The following SIPA1L1 variants were observed in gnomAD, a reference collection of about 807,000 sequenced individuals.
SIPA1L1 encodes signal induced proliferation associated 1 like 1.
SIPA1L1 carries 26 observed loss-of-function variants against 162.7 expected under a neutral mutation model. That is an observed-to-expected ratio of 0.16 (90% CI 0.12 to 0.22). The LOEUF (loss-of-function observed/expected upper bound fraction) is 0.22. Among genes scored for constraint, SIPA1L1 ranks in the 10% least tolerant of loss-of-function variants. The pLI is 1.00. For synonymous variants in SIPA1L1, 829 were observed against 837.4 expected, an observed-to-expected ratio of 0.99 and a Z score of 0.17; for missense variants, 1,874 against 2,241.0, an observed-to-expected ratio of 0.84 and a Z score of 3.31.
intron 2 of SIPA1L1, among the ~76,000 whole-genome samples, chr14:71,396,073 C>G (rs1261169188): frequency 6.6e-6 from 1 of 152,030 alleles, no homozygotes; most frequent in East Asian, 1.9e-4. Context: ...CTTGTCCTAT[C>G]TTGCTTAAGG....
intron 4 of SIPA1L1, among the ~76,000 whole-genome samples, chr14:71,543,898 A>G (rs181498837): frequency 2.7e-5 from 3 of 111,980 alleles, no homozygotes; most frequent in Admixed American, 2.5e-4. Context: ...TATCATACGT[A>G]TATGTGTGTA....
At chr14:71,582,503 AC>A (rs2034071183) in intron 4 of SIPA1L1, among the ~76,000 whole-genome samples, 1 of 152,096 alleles carries the variant, frequency 6.6e-6, no homozygotes, top group South Asian at 2.1e-4. Context: ...AACTTTCTTC[AC>A]TGAACTTTTT....
intron 3 of SIPA1L1, among the ~76,000 whole-genome samples, chr14:71,519,702 C>T (rs1466758052): frequency 1.3e-5 from 2 of 151,894 alleles, no homozygotes; most frequent in African/African-American, 2.4e-5. Flanking sequence ...CATGGTGTCA[C>T]ACACCTGTAA....
At chr14:71,572,254 C>T (rs1229627106) in intron 4 of SIPA1L1, among the ~76,000 whole-genome samples, 1 of 152,232 alleles carries the variant, frequency 6.6e-6, no homozygotes, top group Non-Finnish European at 1.5e-5. Flanking sequence ...CCTCTCAATA[C>T]TGCCACACTG....
chr14:71,724,567 T>C, intron 18 of SIPA1L1, 103 bp from the exon 19 acceptor site: 1 of 849,348 alleles, frequency 1.2e-6, no homozygotes, highest in Non-Finnish European at 1.8e-6. Context: ...CCACATAATA[T>C]TTCTCTATTG....
chr14:71,587,234 T>C (rs1596290087), intron 4 of SIPA1L1, among the ~76,000 whole-genome samples: 1 of 152,210 alleles, frequency 6.6e-6, no homozygotes, highest in African/African-American at 2.4e-5. Flanking sequence ...TGTTCTACAT[T>C]TTTAGAGGTC....
intron 2 of SIPA1L1, among the ~76,000 whole-genome samples, chr14:71,345,912 TTTA>T (rs1470577432): frequency 6.6e-6 from 1 of 151,236 alleles, no homozygotes; most frequent in Non-Finnish European, 1.5e-5. Context: ...ATTTGTATAA[TTTA>T]TTATTATTAT....
chr14:71,638,979 A>G (rs2041436735), intron 7 of SIPA1L1, among the ~76,000 whole-genome samples: 1 of 152,212 alleles, frequency 6.6e-6, no homozygotes, highest in African/African-American at 2.4e-5. Flanking sequence ...GATCACTTGA[A>G]CCTAGGAGTT....
intron 4 of SIPA1L1, among the ~76,000 whole-genome samples, chr14:71,531,142 G>A (rs1226720119): frequency 6.6e-6 from 1 of 152,154 alleles, no homozygotes; most frequent in African/African-American, 2.4e-5. Context: ...GGAATGTGCA[G>A]GATACTTATA....
chr14:71,521,712 C>T (rs2052372875), intron 3 of SIPA1L1, among the ~76,000 whole-genome samples: 1 of 152,176 alleles, frequency 6.6e-6, no homozygotes, highest in African/African-American at 2.4e-5. Context: ...TAGCATATGC[C>T]TATGTTCAAC....
chr14:71,625,701 A>G (rs182411722), intron 7 of SIPA1L1, among the ~76,000 whole-genome samples: 1 of 152,334 alleles, frequency 6.6e-6, no homozygotes, highest in African/African-American at 2.4e-5. Flanking sequence ...TAGAAAAATG[A>G]TGTTTAGGTC....
intron 2 of SIPA1L1, among the ~76,000 whole-genome samples, chr14:71,496,782 A>G (rs1231360158): frequency 6.6e-6 from 1 of 152,148 alleles, no homozygotes; most frequent in East Asian, 1.9e-4. Context: ...TAGGTTTTTA[A>G]TTATTATATT....
In SIPA1L1 at chr14:71,491,761, AACACACACACAC is replaced by A. The variant is rs59275638; in HGVS notation, c.-464-20941_-464-20930del. ...GTTTCAGGCTTAATGTTTTATTTCA[AACACACACACAC>A]ACACACACACACACACACACACACA... On this transcript the variant is annotated intron_variant, in intron 2 of 23. Coordinates refer to ENST00000381232, the MANE Select transcript of SIPA1L1 (RefSeq NM_001386936.1). Among the ~76,000 whole-genome samples the A allele has an allele frequency of 6.9e-3, 679 of 97,966 alleles. 2 individuals are homozygous for A. The highest frequency in any genetic ancestry group is 0.021 in the African/African-American group (528 of 25,248). The allele number at this position is 97,966 out of a possible 152,430, so 64.3% of individuals were successfully genotyped here. A position where few individuals can be genotyped will look rare whatever the true frequency, so the allele number is the denominator to read the frequency against.
intron 5 of SIPA1L1, among the ~76,000 whole-genome samples, chr14:71,603,701 T>TCACGA (rs886208533): frequency 6.6e-6 from 1 of 151,754 alleles, no homozygotes; most frequent in African/African-American, 2.4e-5. Flanking sequence ...GGCGGGTGGA[T>TCACGA]CACGAGGTCA....
At chr14:71,488,484 T>G (rs2048955841) in intron 2 of SIPA1L1, among the ~76,000 whole-genome samples, 1 of 152,206 alleles carries the variant, frequency 6.6e-6, no homozygotes, top group African/African-American at 2.4e-5. Flanking sequence ...ACTGTTGTAG[T>G]ACCCATGAAA....
Position 71,739,287 on chromosome 14 carries a change from G to A in SIPA1L1, c.*126G>A, listed in dbSNP as rs371724165. On this transcript the variant is annotated 3_prime_UTR_variant, in exon 24 of 24. Coordinates refer to ENST00000381232, the MANE Select transcript of SIPA1L1 (RefSeq NM_001386936.1). Reference sequence around the variant, plus strand: ...CTGGCTTCCTACTCTGCCCCCTTTCGGGGAGTGCACAACACAATAGTTGCA... The same window carrying A: ...CTGGCTTCCTACTCTGCCCCCTTTCAGGGAGTGCACAACACAATAGTTGCA... The A allele has an allele frequency of 4.0e-5, 33 of 827,418 alleles. No homozygotes were observed. Among genetic ancestry groups the A allele is most frequent in the East Asian group, 2.8e-4 (10 of 36,230 alleles). The allele number at this position is 827,418 out of a possible 1,614,324, so 51.3% of individuals were successfully genotyped here. A position where few individuals can be genotyped will look rare whatever the true frequency, so the allele number is the denominator to read the frequency against.
intron 2 of SIPA1L1, among the ~76,000 whole-genome samples, chr14:71,389,968 T>A (rs1159526264): frequency 6.6e-6 from 1 of 152,250 alleles, no homozygotes; most frequent in African/African-American, 2.4e-5. Flanking sequence ...TGTCACATGT[T>A]GTCAAGATTT....
intron 2 of SIPA1L1, among the ~76,000 whole-genome samples, chr14:71,441,318 T>C (rs528910985): frequency 6.6e-6 from 1 of 152,340 alleles, no homozygotes; most frequent in Non-Finnish European, 1.5e-5. Context: ...CCAAAATATT[T>C]AGATGGGATC....
intron 2 of SIPA1L1, among the ~76,000 whole-genome samples, chr14:71,445,172 T>A (rs2045247429): frequency 6.6e-6 from 1 of 152,148 alleles, no homozygotes. Context: ...TAAGAAAAAA[T>A]CCATTTATTA....
Sources: gnomAD v4.1 joint callset for allele counts (sites outside exome capture counted in the v4.1 genomes callset) on GRCh38, gnomAD v4.1.1 for gene constraint, MANE v1.5 for transcripts, NCBI Gene and HGNC (gene_info 2026-07-23, HGNC 2026-07-21) for gene names.